Variants in IFT52 observed in about 807,000 individuals in gnomAD.
IFT52 encodes intraflagellar transport protein 52 homolog.
IFT52 carries 44 observed loss-of-function variants against 54.4 expected under a neutral mutation model. The observed-to-expected ratio is 0.81, with a 90% CI of 0.63 to 1.04. IFT52 has a LOEUF of 1.04. IFT52 is among the 50% of genes least tolerant of loss of function. The pLI is 0.00. For synonymous variants in IFT52, 181 were observed against 185.3 expected (o/e 0.98, Z 0.19); for missense variants, 452 against 523.6 (o/e 0.86, Z 1.33).
chr20:43,639,450 C>T (rs762834417), intron 12 of IFT52, among the ~76,000 whole-genome samples: 2 of 152,104 alleles, frequency 1.3e-5, no homozygotes, highest in Non-Finnish European at 2.9e-5. Context: ...GTGGGCAGAT[C>T]ACCTGAGGTT....
In IFT52 at chr20:43,647,166, G is replaced by T; in HGVS notation, c.*183G>T. ...GATTTTTCACAAAATCCTTATGTAA[G>T]ATACATTCCATTTTTAAAAATTAAA... On this transcript the variant is annotated 3_prime_UTR_variant, in exon 14 of 14. Transcript: ENST00000373030. The T allele has an allele frequency of 1.7e-6, 1 of 581,312 alleles. No homozygotes were observed. The highest frequency in any genetic ancestry group is 3.0e-6 in the Non-Finnish European group (1 of 328,646). The allele number at this position is 581,312 out of a possible 1,614,324, so 36.0% of individuals were successfully genotyped here. A position where few individuals can be genotyped will look rare whatever the true frequency, so the allele number is the denominator to read the frequency against.
intron 7 of IFT52, 29 bp downstream of exon 7, chr20:43,614,005 A>T: frequency 6.4e-7 from 1 of 1,568,322 alleles, no homozygotes; most frequent in Non-Finnish European, 8.7e-7. Context: ...ATGGGTATAG[A>T]TGTTATTTTT....
At chr20:43,642,234 G>C in intron 12 of IFT52, 1 of 393,552 alleles carries the variant, frequency 2.5e-6, no homozygotes, top group Non-Finnish European at 4.5e-6. Flanking sequence ...TAGATCTGAG[G>C]AATAGGAAAG....
chr20:43,615,161 G>T (rs1983762416), intron 7 of IFT52, among the ~76,000 whole-genome samples: 1 of 151,902 alleles, frequency 6.6e-6, no homozygotes, highest in Admixed American at 6.6e-5. Context: ...TCCCGCCTCA[G>T]CCTTCCAAGT....
intron 10 of IFT52, among the ~76,000 whole-genome samples, chr20:43,628,454 T>C (rs1396298086): frequency 6.6e-6 from 1 of 152,128 alleles, no homozygotes; most frequent in Non-Finnish European, 1.5e-5. Context: ...ATGGGAAACA[T>C]GGGTGCAGAC....
At position 43,621,356 on chromosome 20, in the gene IFT52, G is replaced by A. The variant is rs549477155; in HGVS notation, c.768+431G>A. ...CATTATAATAATATTCATCAGACAA[G>A]GGAAAGTGGTGAAACCAGCACAGTG... On this transcript the variant is annotated intron_variant, in intron 9 of 13. Transcript: ENST00000373030. Among the ~76,000 whole-genome samples, 10 of 152,250 alleles carry A rather than the reference G, an allele frequency of 6.6e-5. No individual in the cohort carries two copies. In the South Asian group the frequency reaches 1.9e-3, roughly 28 times the overall value.
intron 3 of IFT52, 52 bp downstream of exon 3, chr20:43,596,574 G>A (rs762726149): frequency 8.2e-7 from 1 of 1,214,096 alleles, no homozygotes; most frequent in Non-Finnish European, 1.2e-6. Flanking sequence ...AGGAGTCTGA[G>A]CTTTGAAATA....
intron 12 of IFT52, among the ~76,000 whole-genome samples, chr20:43,639,568 G>A (rs1985773593): frequency 6.6e-6 from 1 of 152,334 alleles, no homozygotes; most frequent in South Asian, 2.1e-4. Flanking sequence ...TACTGGGGAG[G>A]CTGAGGCAGG....
intron 3 of IFT52, among the ~76,000 whole-genome samples, chr20:43,597,883 A>T (rs936133953): frequency 9.9e-6 from 1 of 100,678 alleles, no homozygotes; most frequent in African/African-American, 4.0e-5. Flanking sequence ...ACAGAGTGAG[A>T]CTCTTTCAAA....
At chr20:43,621,823 T>C (rs1449103439) in intron 9 of IFT52, among the ~76,000 whole-genome samples, 3 of 152,240 alleles carry the variant, frequency 2.0e-5, no homozygotes. Flanking sequence ...CCTCACAGGA[T>C]GGTTGTGTGG....
At chr20:43,598,619 T>A (rs944271364) in intron 3 of IFT52, among the ~76,000 whole-genome samples, 3 of 152,026 alleles carry the variant, frequency 2.0e-5, no homozygotes, top group Non-Finnish European at 4.4e-5. Flanking sequence ...CGCTTGAACC[T>A]GGGAGGCGGA....
At position 43,594,766 on chromosome 20, in the gene IFT52, A is replaced by G. The variant is rs1384996434; in HGVS notation, c.68A>G (p.Asn23Ser). The G allele has an allele frequency of 1.4e-5, 23 of 1,613,056 alleles. No homozygotes were observed. Among genetic ancestry groups the G allele is most frequent in the Non-Finnish European group, 1.9e-5 (22 of 1,179,134 alleles). ...AYKKEIFTTN[N>S]GYKSMQKKLR... ...AAAAAGGAGATATTTACCACCAACA[A>G]TGGCTACAAATCCATGCAGAAAAAA... The change falls in exon 2 of 14, where the codon AAT becomes AGT. Residue 23 changes from asparagine (N) to serine (S), a missense_variant. Asn to Ser is a conservative substitution (Grantham distance 46). Transcript: ENST00000373030.
chr20:43,627,692 T>G (rs988147764), intron 10 of IFT52, among the ~76,000 whole-genome samples: 3 of 151,762 alleles, frequency 2.0e-5, no homozygotes, highest in Non-Finnish European at 2.9e-5. Flanking sequence ...AACACAAGAG[T>G]AAGCAAGAGA....
intron 6 of IFT52, among the ~76,000 whole-genome samples, chr20:43,611,283 G>A (rs1438642763): frequency 1.3e-5 from 2 of 152,088 alleles, no homozygotes; most frequent in Non-Finnish European, 2.9e-5. Flanking sequence ...AGTGAAGCTT[G>A]TATTCATCTT....
chr20:43,624,318 T>G (rs892963101), intron 10 of IFT52, among the ~76,000 whole-genome samples: 6 of 152,188 alleles, frequency 3.9e-5, no homozygotes, highest in Admixed American at 2.6e-4. Context: ...CTTCTGGTTT[T>G]AGCACAGAGA....
At chr20:43,624,331 C>T (rs573021158) in intron 10 of IFT52, among the ~76,000 whole-genome samples, 22 of 152,232 alleles carry the variant, frequency 1.4e-4, no homozygotes, top group African/African-American at 5.3e-4. Flanking sequence ...CACAGAGAGT[C>T]CCAAGTCCCA....
At chr20:43,629,543 A>T (rs1985015222) in intron 10 of IFT52, among the ~76,000 whole-genome samples, 1 of 152,278 alleles carries the variant, frequency 6.6e-6, no homozygotes, top group African/African-American at 2.4e-5. Flanking sequence ...AAGTGCTGGG[A>T]TTACAGGCGT....
At chr20:43,591,177 T>G (rs1981481093) in intron 1 of IFT52, 123 bp downstream of exon 1, 2 of 152,140 alleles carry the variant, frequency 1.3e-5, no homozygotes, top group African/African-American at 4.8e-5. Flanking sequence ...TCCCCCGGGG[T>G]GAAGTAAACT....
chr20:43,614,968 A>G lies in IFT52; in HGVS notation c.612+992A>G, dbSNP rs569893790. On this transcript the variant is annotated intron_variant, in intron 7 of 13. Transcript: ENST00000373030. Reference sequence around the variant, plus strand: ...GGATTACAGGTGCCTGCCACCAAGCATGGCTAATTTTTGTATTTTTGGGAG... The same window carrying G: ...GGATTACAGGTGCCTGCCACCAAGCGTGGCTAATTTTTGTATTTTTGGGAG... 4.6e-5 allele frequency among the ~76,000 whole-genome samples: 7 copies of G among 150,726 alleles called. No individual in the cohort carries two copies. In the East Asian group the frequency reaches 1.4e-3, roughly 29 times the overall value.
Sources: allele counts gnomAD v4.1 joint callset (sites outside exome capture counted in the v4.1 genomes callset), GRCh38; gene constraint gnomAD v4.1.1; transcripts MANE v1.5; gene names NCBI Gene and HGNC (gene_info 2026-07-23, HGNC 2026-07-21).